TLR5: variants seen among roughly 807,000 people sequenced by gnomAD.
The protein encoded by TLR5 is toll like receptor 5.
For synonymous variants in TLR5, 373 were observed against 384.4 expected, an observed-to-expected ratio of 0.97 and a Z score of 0.35; for missense variants, 944 against 999.8, an observed-to-expected ratio of 0.94 and a Z score of 0.75.
rs1425240590 is a variant in TLR5 at position 223,112,616 on chromosome 1, C to T, written c.416G>A (p.Gly139Asp). ...CGLSDAVLKDGYFRNLKALTR... is the reference protein window; with the variant it reads ...CGLSDAVLKDDYFRNLKALTR... ...TAAAGCCTTTAAATTTCTGAAATAA[C>T]CATCTTTCAATACAGCATCAGAGAG... is the stretch of plus-strand genomic sequence containing the variant. Residue 139 changes from glycine to aspartate, a missense_variant, in exon 6 of 6, where the codon GGT becomes GAT. Physicochemically the swap from Gly to Asp is moderately conservative, Grantham distance 94. Transcript: ENST00000642603. The T allele has an allele frequency of 8.7e-6, 14 of 1,614,042 alleles. No homozygotes were observed. Among genetic ancestry groups the T allele is most frequent in the Non-Finnish European group, 8.5e-6 (10 of 1,180,042 alleles).
chr1:223,142,233 GC>G lies in TLR5; in HGVS notation c.-554-471del, dbSNP rs540251723. Among the ~76,000 whole-genome samples the G allele has an allele frequency of 1.4e-4, 22 of 152,304 alleles. No individual in the cohort carries two copies. The East Asian group carries it at 4.1e-3, about 28-fold the overall frequency. On this transcript the variant is annotated intron_variant, in intron 1 of 5. Coordinates refer to ENST00000642603, the MANE Select transcript of TLR5 (RefSeq NM_003268.6). The stretch of plus-strand genomic sequence containing the variant: ...CTAGCATTAGCGGGGAGTCACCAAT[GC>G]CTCTTCCAGGCACTGAGCAAGAGGG...
At chr1:223,133,842 C>A (rs1343082805) in intron 4 of TLR5, among the ~76,000 whole-genome samples, 2 of 152,132 alleles carry the variant, frequency 1.3e-5, no homozygotes, top group Non-Finnish European at 2.9e-5. Flanking sequence ...TAGAGACCAG[C>A]AGAGGGCGCA....
At chr1:223,135,892 G>A (rs569046446) in intron 3 of TLR5, among the ~76,000 whole-genome samples, 4 of 152,254 alleles carry the variant, frequency 2.6e-5, no homozygotes, top group East Asian at 1.9e-4. Flanking sequence ...TTATGTCTGC[G>A]GCTAGATATT....
At chr1:223,118,633 GA>G (rs1209857668) in intron 5 of TLR5, among the ~76,000 whole-genome samples, 4 of 152,086 alleles carry the variant, frequency 2.6e-5, no homozygotes, top group Admixed American at 2.6e-4. Flanking sequence ...TCATGCAGAT[GA>G]AGCCTCCAGG....
intron 5 of TLR5, among the ~76,000 whole-genome samples, chr1:223,114,662 C>T (rs564472533): frequency 6.6e-6 from 1 of 152,260 alleles, no homozygotes; most frequent in African/African-American, 2.4e-5. Context: ...GAGGCTGTGG[C>T]ACACAAGCTA....
intron 5 of TLR5, among the ~76,000 whole-genome samples, chr1:223,118,034 G>A (rs563811388): frequency 9.9e-5 from 15 of 152,168 alleles, no homozygotes; most frequent in Non-Finnish European, 1.2e-4. Context: ...TGAGGACCAC[G>A]ACCTGTGACA....
chr1:223,133,602 G>A (rs1010316053), intron 4 of TLR5, among the ~76,000 whole-genome samples: 14 of 152,182 alleles, frequency 9.2e-5, no homozygotes, highest in Admixed American at 3.9e-4. Flanking sequence ...GATAAGGCAT[G>A]GCTAAGATGC....
chr1:223,141,806 TATATATATATATATATAGAGAGAG>T (rs1265902067), intron 1 of TLR5, 43 bp from the exon 2 acceptor site: 70 of 89,564 alleles, frequency 7.8e-4, no homozygotes, highest in South Asian at 1.3e-3. Context: ...TATATATATA[TATATATATATATATATAGAGAGAG>T]AGAGAGAGAG....
rs1266819576 is a variant in TLR5 at position 223,110,544 on chromosome 1, G to A, written c.2488C>T (p.His830Tyr). 5 of 1,614,112 alleles carry A rather than the reference G, an allele frequency of 3.1e-6. No homozygotes were observed. Among genetic ancestry groups the A allele is most frequent in the South Asian group, 2.2e-5 (2 of 91,074 alleles). ...TTTAGTATCTGTTGAGAGAGTTTAT[G>A]AAGAAACCAGCCAACATCCTGGAGA... is the stretch of plus-strand genomic sequence containing the variant. ...EDLQDVGWFL[H>Y]KLSQQILKKE... Residue 830 changes from histidine (H) to tyrosine (Y), a missense_variant, in exon 6 of 6, where the codon CAT becomes TAT. His to Tyr is a moderately conservative substitution (Grantham distance 83). Transcript: ENST00000642603.
intron 1 of TLR5, among the ~76,000 whole-genome samples, chr1:223,142,034 G>T (rs1043154762): frequency 6.6e-6 from 1 of 152,020 alleles, no homozygotes; most frequent in Admixed American, 6.6e-5. Context: ...GGCTGTGCAT[G>T]GCACACTGGG....
chr1:223,112,978 C>T lies in TLR5; in HGVS notation c.54G>A (p.Val18=), dbSNP rs2102868339. 6.2e-7 allele frequency: 1 copy of T among 1,614,168 alleles called. No homozygotes were observed. Among genetic ancestry groups the T allele is most frequent in the East Asian group, 2.2e-5 (1 of 44,878 alleles). The stretch of plus-strand genomic sequence containing the variant: ...CAAAGGAGCAGGAAGGAATTCCAAA[C>T]ACAGGACCGGCCATGAGCACCACTC... ...LLGVVLMAGP[V]FGIPSCSFDG... The change falls in exon 6 of 6, where the codon GTG becomes GTA. Residue 18 remains valine (V), a synonymous_variant. Transcript: ENST00000642603.
chr1:223,119,304 CT>C (rs1268209214), intron 5 of TLR5, among the ~76,000 whole-genome samples: 3 of 152,104 alleles, frequency 2.0e-5, no homozygotes, highest in African/African-American at 7.2e-5. Context: ...CAGAACCTAA[CT>C]TTGTGTTACA....
rs202112719 is a variant in TLR5, at chr1:223,116,083, ACT to A, written c.-4-3050_-4-3049del. 8.2e-3 allele frequency among the ~76,000 whole-genome samples: 1,255 copies of A among 152,166 alleles called. 17 individuals are homozygous for A. The highest frequency in any genetic ancestry group is 0.028 in the African/African-American group (1,144 of 41,498). On this transcript the variant is annotated intron_variant, in intron 5 of 5. Transcript: ENST00000642603. ...TTTGAAATAAATCCCCTGCCGTGTT[ACT>A]CTTTCAAAAACCATCTTATTTCCAT...
intron 4 of TLR5, among the ~76,000 whole-genome samples, chr1:223,133,010 ACTTC>A (rs1412951228): frequency 6.6e-6 from 1 of 152,196 alleles, no homozygotes; most frequent in Non-Finnish European, 1.5e-5. Context: ...TGAGCAGAGA[ACTTC>A]CAGACAAAAT....
chr1:223,113,842 G>GA (rs1159581041), intron 5 of TLR5, among the ~76,000 whole-genome samples: 2 of 152,182 alleles, frequency 1.3e-5, no homozygotes, highest in Non-Finnish European at 2.9e-5. Context: ...GGGAGGTGGA[G>GA]AAAACAGCAG....
chr1:223,117,851 C>T (rs553355348), intron 5 of TLR5, among the ~76,000 whole-genome samples: 1 of 152,334 alleles, frequency 6.6e-6, no homozygotes, highest in African/African-American at 2.4e-5. Flanking sequence ...AAGAGCCAAA[C>T]TGTAAAATAT....
chr1:223,115,840 G>A (rs1656606336), intron 5 of TLR5, among the ~76,000 whole-genome samples: 1 of 152,032 alleles, frequency 6.6e-6, no homozygotes, highest in South Asian at 2.1e-4. Context: ...GATGTGGAGA[G>A]GCCCAACGTT....
Position 223,110,755 on chromosome 1 carries a change from G to A in TLR5, c.2277C>T (p.Ser759=), listed in dbSNP as rs1475461008. The A allele has an allele frequency of 6.2e-7, 1 of 1,614,222 alleles. No homozygotes were observed. Among genetic ancestry groups the A allele is most frequent in the Admixed American group, 1.7e-5 (1 of 60,030 alleles). The change falls in exon 6 of 6, where the codon AGC becomes AGT. Residue 759 remains serine (S), a synonymous_variant. Coordinates refer to ENST00000642603, the MANE Select transcript of TLR5 (RefSeq NM_003268.6). ...WNSRKIVCLV[S]RHFLRDGWCL... Reference sequence around the variant, plus strand: ...ACCAGCCATCTCTAAGGAAGTGTCTGCTCACAAGACAAACGATCTTTCTAC... The same window carrying A: ...ACCAGCCATCTCTAAGGAAGTGTCTACTCACAAGACAAACGATCTTTCTAC...
chr1:223,127,162 T>C (rs1483597157), intron 5 of TLR5: 1 of 152,398 alleles, frequency 6.6e-6, no homozygotes, highest in African/African-American at 2.4e-5. Context: ...TGATCCCTAA[T>C]AGATAATTCC....
Sources: gnomAD v4.1 joint callset for allele counts (sites outside exome capture counted in the v4.1 genomes callset) on GRCh38, gnomAD v4.1.1 for gene constraint, MANE v1.5 for transcripts, NCBI Gene and HGNC (gene_info 2026-07-23, HGNC 2026-07-21) for gene names.